The following ARID5B variants were observed in gnomAD, a reference collection of about 807,000 sequenced individuals.
The protein encoded by ARID5B is AT-rich interactive domain-containing protein 5B.
Under a neutral mutation model 97.2 loss-of-function variants are expected in ARID5B, and 13 were observed. The ratio of observed to expected loss-of-function variants is 0.13; its 90% CI spans 0.09 to 0.21. The LOEUF (loss-of-function observed/expected upper bound fraction) is 0.21. ARID5B is among the 10% of genes least tolerant of loss of function. The probability of loss-of-function intolerance (pLI) is 1.00; values close to 1 mark genes in which losing one functional copy is unlikely to be tolerated. For missense variants in ARID5B, 1,210 were observed against 1,465.3 expected, an observed-to-expected ratio of 0.83 and a Z score of 2.84; for synonymous variants, 556 against 570.3, an observed-to-expected ratio of 0.97 and a Z score of 0.36.
At position 61,902,456 on chromosome 10, in the gene ARID5B, T is replaced by C. The variant is rs762396682; in HGVS notation, c.276+43T>C. 3.1e-6 allele frequency: 5 copies of C among 1,604,544 alleles called. No homozygotes were observed. The Admixed American group carries it at 5.1e-5, about 16-fold the overall frequency. On this transcript the variant is annotated intron_variant, in intron 2 of 9. Coordinates refer to ENST00000279873, the MANE Select transcript of ARID5B (RefSeq NM_032199.3). Reference sequence around the variant, plus strand: ...CCCCCTCTTCTTTCTTTATTATTTTTCCCCCTAGTAATGCTTATTACAGGG... The same window carrying C: ...CCCCCTCTTCTTTCTTTATTATTTTCCCCCCTAGTAATGCTTATTACAGGG...
intron 4 of ARID5B, among the ~76,000 whole-genome samples, chr10:62,030,748 CAATT>C (rs1184886399): frequency 1.3e-5 from 2 of 152,176 alleles, no homozygotes; most frequent in African/African-American, 4.8e-5. Flanking sequence ...AATGATCACA[CAATT>C]AATGCCTCTT....
chr10:61,995,284 T>C (rs184159365), intron 3 of ARID5B, among the ~76,000 whole-genome samples: 8 of 152,328 alleles, frequency 5.3e-5, no homozygotes, highest in South Asian at 2.1e-4. Context: ...GGTGAAAATA[T>C]CTTACACAGC....
intron 2 of ARID5B, among the ~76,000 whole-genome samples, chr10:61,933,422 G>C (rs1844246894): frequency 6.6e-6 from 1 of 152,218 alleles, no homozygotes; most frequent in Non-Finnish European, 1.5e-5. Flanking sequence ...ATCTAGAATA[G>C]TGAATGCTTT....
chr10:61,990,627 A>C (rs1838910765), intron 3 of ARID5B, among the ~76,000 whole-genome samples: 1 of 152,202 alleles, frequency 6.6e-6, no homozygotes, highest in Non-Finnish European at 1.5e-5. Context: ...TGTGCCCTCC[A>C]GGATATATTC....
chr10:62,022,854 T>C (rs1203395371), intron 4 of ARID5B, among the ~76,000 whole-genome samples: 6 of 152,224 alleles, frequency 3.9e-5, no homozygotes, highest in Non-Finnish European at 7.3e-5. Context: ...TTGTGAACGA[T>C]TCACAGAGCT....
At chr10:61,998,719 A>G (rs1389677162) in intron 3 of ARID5B, among the ~76,000 whole-genome samples, 1 of 152,208 alleles carries the variant, frequency 6.6e-6, no homozygotes, top group African/African-American at 2.4e-5. Context: ...TCCTCCCAGC[A>G]TGGTTCTCTG....
intron 2 of ARID5B, among the ~76,000 whole-genome samples, chr10:61,915,404 C>T (rs1042666998): frequency 2.6e-5 from 4 of 152,126 alleles, no homozygotes; most frequent in Admixed American, 2.0e-4. Context: ...ATGATTTTGT[C>T]GGAAAGGTCT....
intron 4 of ARID5B, among the ~76,000 whole-genome samples, chr10:62,005,176 G>A (rs965436653): frequency 2.6e-5 from 4 of 152,284 alleles, no homozygotes; most frequent in Admixed American, 2.0e-4. Flanking sequence ...CATTCTGCTG[G>A]GGACCAGAAA....
intron 4 of ARID5B, among the ~76,000 whole-genome samples, chr10:62,029,091 G>A (rs536494436): frequency 3.9e-5 from 6 of 152,194 alleles, no homozygotes; most frequent in African/African-American, 1.2e-4. Flanking sequence ...AAAACTGTTC[G>A]TGGGACACTT....
intron 2 of ARID5B, among the ~76,000 whole-genome samples, chr10:61,917,920 G>C (rs1843938795): frequency 6.6e-6 from 1 of 152,178 alleles, no homozygotes; most frequent in Non-Finnish European, 1.5e-5. Flanking sequence ...GAGTGTGAAG[G>C]TGACCTGTAG....
intron 3 of ARID5B, among the ~76,000 whole-genome samples, chr10:61,967,248 C>T (rs569157635): frequency 6.6e-6 from 1 of 152,310 alleles, no homozygotes; most frequent in African/African-American, 2.4e-5. Context: ...ATATGAACCA[C>T]TCTTATTTGG....
intron 4 of ARID5B, chr10:62,049,140 G>A: frequency 2.5e-6 from 3 of 1,197,540 alleles, no homozygotes; most frequent in Admixed American, 4.2e-5. Flanking sequence ...CTGACAAGGA[G>A]AGCAAGAGGT....
At chr10:61,908,799 CAAAAAAAAAAAA>C (rs369792859) in intron 2 of ARID5B, among the ~76,000 whole-genome samples, 6 of 51,004 alleles carry the variant, frequency 1.2e-4, no homozygotes, top group East Asian at 1.3e-3. Context: ...GACTCCATCT[CAAAAAAAAAAAA>C]AAAAAAAAAA....
In ARID5B at chr10:62,058,693, G is replaced by A. The variant is rs189136214; in HGVS notation, c.1049-550G>A. ...TCTGTTGTATCACTGTGGCCTCCAC[G>A]TGAAATATTTGTTTTCCTACTCACT... On this transcript the variant is annotated intron_variant, in intron 6 of 9. Coordinates refer to ENST00000279873, the MANE Select transcript of ARID5B (RefSeq NM_032199.3). Among the ~76,000 whole-genome samples, 288 of 152,248 alleles carry A rather than the reference G, an allele frequency of 1.9e-3. 2 individuals are homozygous for A. Among genetic ancestry groups the A allele is most frequent in the African/African-American group, 6.6e-3 (276 of 41,544 alleles).
intron 3 of ARID5B, among the ~76,000 whole-genome samples, chr10:61,953,184 C>T (rs910999200): frequency 2.0e-5 from 3 of 152,184 alleles, no homozygotes; most frequent in African/African-American, 7.2e-5. Flanking sequence ...TCCAACTACT[C>T]ATTCTACAAC....
In ARID5B at chr10:62,094,837, A is replaced by G. The variant is rs1235760281; in HGVS notation, c.*1807A>G. ...GTTAACTAAGTCTTTTACCTCTGAGATACTTAATTCTGGGAAAATTGGTGA... is the reference window on the plus strand; with the variant it reads ...GTTAACTAAGTCTTTTACCTCTGAGGTACTTAATTCTGGGAAAATTGGTGA... On this transcript the variant is annotated 3_prime_UTR_variant, in exon 10 of 10. Transcript: ENST00000279873. The G allele has an allele frequency of 4.3e-6, 1 of 231,402 alleles. No homozygotes were observed. Among genetic ancestry groups the G allele is most frequent in the Non-Finnish European group, 8.6e-6 (1 of 116,732 alleles). 14.3% of individuals were successfully genotyped at this position (231,402 alleles called of 1,614,324 possible). A position where few individuals can be genotyped will look rare whatever the true frequency, so the allele number is the denominator to read the frequency against.
chr10:62,095,235 T>C lies in ARID5B; in HGVS notation c.*2205T>C, dbSNP rs950391149. 25 of 233,390 alleles carry C rather than the reference T, an allele frequency of 1.1e-4. No individual in the cohort carries two copies. The highest frequency in any genetic ancestry group is 2.0e-4 in the Non-Finnish European group (24 of 117,984). The allele number at this position is 233,390 out of a possible 1,614,324, so 14.5% of individuals were successfully genotyped here. ...ATCTCAATTCCAGCTGGCAAGATGC[T>C]AGCCAGGACACATATAAGAAAGTTG... On this transcript the variant is annotated 3_prime_UTR_variant, in exon 10 of 10. Transcript: ENST00000279873.
chr10:62,032,300 A>G (rs1839507209), intron 4 of ARID5B, among the ~76,000 whole-genome samples: 1 of 152,166 alleles, frequency 6.6e-6, no homozygotes, highest in African/African-American at 2.4e-5. Context: ...CAGCCTCAGC[A>G]ATAAAGTGAG....
intron 3 of ARID5B, among the ~76,000 whole-genome samples, chr10:61,944,865 A>C (rs1321125928): frequency 6.6e-6 from 1 of 152,204 alleles, no homozygotes; most frequent in Non-Finnish European, 1.5e-5. Flanking sequence ...AAAAGAAAGA[A>C]AAGATAGAGG....
Sources: allele counts gnomAD v4.1 joint callset (sites outside exome capture counted in the v4.1 genomes callset), GRCh38; gene constraint gnomAD v4.1.1; transcripts MANE v1.5; gene names NCBI Gene and HGNC (gene_info 2026-07-23, HGNC 2026-07-21).